The following CDH13 variants were observed in gnomAD, a reference collection of about 807,000 sequenced individuals.
CDH13 encodes the protein cadherin 13, also known as cadherin-13.
A neutral mutation model predicts 63.8 loss-of-function variants in CDH13; 24 were observed. The ratio of observed to expected loss-of-function variants is 0.38; its 90% CI spans 0.27 to 0.53. The LOEUF is 0.53. CDH13 is among the 20% of genes least tolerant of loss of function. The pLI is 0.85. For synonymous variants in CDH13, 503 were observed against 355.3 expected (o/e 1.42, Z -4.67); for missense variants, 1,049 against 903.1 (o/e 1.16, Z -2.07).
intron 7 of CDH13, among the ~76,000 whole-genome samples, chr16:83,554,866 A>G (rs2075572423): frequency 6.6e-6 from 1 of 151,428 alleles, no homozygotes; most frequent in Non-Finnish European, 1.5e-5. Flanking sequence ...CTGCACACAC[A>G]TACAAAGTTA....
chr16:83,009,600 C>A (rs117114958), intron 2 of CDH13, among the ~76,000 whole-genome samples: 2,824 of 152,246 alleles, frequency 0.019, 35 homozygotes, highest in Non-Finnish European at 0.028. Context: ...AACCCAGGAC[C>A]ACTCTGACTC....
chr16:83,343,489 T>C (rs985100375), intron 5 of CDH13, among the ~76,000 whole-genome samples: 14 of 152,220 alleles, frequency 9.2e-5, no homozygotes, highest in Non-Finnish European at 1.6e-4. Context: ...AGGAGTGGTA[T>C]AAAAACGGAA....
chr16:83,530,018 G>C (rs2075048450), intron 7 of CDH13, among the ~76,000 whole-genome samples: 1 of 152,140 alleles, frequency 6.6e-6, no homozygotes. Flanking sequence ...TGCAAGCAGA[G>C]GGTGCCTGAT....
At chr16:82,703,019 A>G (rs1207959207) in intron 1 of CDH13, among the ~76,000 whole-genome samples, 1 of 152,162 alleles carries the variant, frequency 6.6e-6, no homozygotes, top group African/African-American at 2.4e-5. Context: ...ACAGCCAGTG[A>G]GTGCTCTACA....
chr16:83,297,241 A>G (rs1191870164), intron 5 of CDH13, among the ~76,000 whole-genome samples: 3 of 152,186 alleles, frequency 2.0e-5, no homozygotes, highest in African/African-American at 7.2e-5. Context: ...GAATGCTCTC[A>G]ACACAAAGAA....
intron 4 of CDH13, among the ~76,000 whole-genome samples, chr16:83,126,861 C>A (rs1008819999): frequency 2.0e-5 from 3 of 152,106 alleles, no homozygotes; most frequent in African/African-American, 7.2e-5. Context: ...ATAAAGCTAA[C>A]ATGCTAGTGG....
chr16:83,084,785 G>A (rs2151570202), intron 3 of CDH13, among the ~76,000 whole-genome samples: 1 of 152,308 alleles, frequency 6.6e-6, no homozygotes, highest in Admixed American at 6.5e-5. Flanking sequence ...CTACTCAGGA[G>A]GCTGAGGCAG....
chr16:83,371,959 A>G (rs2091375309), intron 6 of CDH13, among the ~76,000 whole-genome samples: 1 of 152,232 alleles, frequency 6.6e-6, no homozygotes, highest in South Asian at 2.1e-4. Flanking sequence ...CCGTATATAC[A>G]GATATATAGG....
chr16:83,656,605 C>A (rs1160647987), intron 8 of CDH13, among the ~76,000 whole-genome samples: 1 of 152,152 alleles, frequency 6.6e-6, no homozygotes, highest in African/African-American at 2.4e-5. Context: ...TCAACCAGAT[C>A]CAGGCATTGT....
At chr16:83,314,878 T>C (rs1470016216) in intron 5 of CDH13, among the ~76,000 whole-genome samples, 1 of 152,252 alleles carries the variant, frequency 6.6e-6, no homozygotes, top group African/African-American at 2.4e-5. Context: ...TATTCTTCTT[T>C]AGTCAGTGGT....
chr16:83,364,111 G>T (rs1443439463), intron 6 of CDH13, among the ~76,000 whole-genome samples: 3 of 152,154 alleles, frequency 2.0e-5, no homozygotes, highest in African/African-American at 7.2e-5. Flanking sequence ...GTCAACGCAA[G>T]AATTTTGGAG....
intron 7 of CDH13, among the ~76,000 whole-genome samples, chr16:83,501,837 C>T (rs1263051679): frequency 6.6e-6 from 1 of 152,236 alleles, no homozygotes; most frequent in Non-Finnish European, 1.5e-5. Context: ...AGACTCATTT[C>T]AGGGATTTCT....
intron 2 of CDH13, among the ~76,000 whole-genome samples, chr16:82,992,285 A>T (rs1911745216): frequency 6.6e-6 from 1 of 152,202 alleles, no homozygotes; most frequent in Non-Finnish European, 1.5e-5. Flanking sequence ...GCAGCTCTCA[A>T]ATTTTCGTGG....
chr16:83,589,642 G>A (rs34028616), intron 7 of CDH13, among the ~76,000 whole-genome samples: 20,108 of 152,014 alleles, frequency 0.13, 1,690 homozygotes, highest in Admixed American at 0.3. Flanking sequence ...CAAAAGCCTG[G>A]TGGCATTTAG....
At chr16:83,309,671 AG>A (rs1165692595) in intron 5 of CDH13, among the ~76,000 whole-genome samples, 2 of 152,176 alleles carry the variant, frequency 1.3e-5, no homozygotes, top group Non-Finnish European at 2.9e-5. Flanking sequence ...CGCCACGCCC[AG>A]CCCCCTCCTT....
intron 1 of CDH13, among the ~76,000 whole-genome samples, chr16:82,740,647 T>C (rs1420361787): frequency 6.6e-6 from 1 of 152,196 alleles, no homozygotes; most frequent in Non-Finnish European, 1.5e-5. Flanking sequence ...GTCTCATTCT[T>C]CTGAGGACAG....
chr16:83,001,450 C>G (rs1056541149), intron 2 of CDH13, among the ~76,000 whole-genome samples: 3 of 152,202 alleles, frequency 2.0e-5, no homozygotes, highest in Non-Finnish European at 4.4e-5. Context: ...TCTTCCTGCT[C>G]CAATGGGCCA....
chr16:83,061,123 C>G (rs932089266), intron 3 of CDH13, among the ~76,000 whole-genome samples: 1 of 152,176 alleles, frequency 6.6e-6, no homozygotes, highest in Non-Finnish European at 1.5e-5. Flanking sequence ...TCTCTGATAC[C>G]ACAGTCTTTC....
intron 1 of CDH13, among the ~76,000 whole-genome samples, chr16:82,648,881 A>T (rs1386423145): frequency 6.6e-6 from 1 of 152,220 alleles, no homozygotes; most frequent in Non-Finnish European, 1.5e-5. Flanking sequence ...TGGAAGATGG[A>T]TTGAATCAGG....
Sources: gnomAD v4.1 joint callset for allele counts (sites outside exome capture counted in the v4.1 genomes callset) on GRCh38, gnomAD v4.1.1 for gene constraint, MANE v1.5 for transcripts, NCBI Gene and HGNC (gene_info 2026-07-23, HGNC 2026-07-21) for gene names.